CYP46A1: variants seen among roughly 807,000 people sequenced by gnomAD.
The protein encoded by CYP46A1 is cholesterol 24-hydroxylase.
In CYP46A1, 20 loss-of-function variants were observed where a neutral mutation model predicts 63.3. The observed-to-expected ratio is 0.32, with a 90% CI of 0.22 to 0.46. The LOEUF is 0.46. Ranked by LOEUF, CYP46A1 falls within the 20% of genes least tolerant of loss-of-function variation. CYP46A1 has a pLI of 1.00. For missense variants in CYP46A1, 445 were observed against 670.8 expected (o/e 0.66, Z 3.72); for synonymous variants, 268 against 273.6 (o/e 0.98, Z 0.20).
chr14:99,705,782 A>G (rs542115085), intron 5 of CYP46A1, among the ~76,000 whole-genome samples: 2 of 152,336 alleles, frequency 1.3e-5, no homozygotes, highest in South Asian at 2.1e-4. Flanking sequence ...AAAATTAGCC[A>G]GCCATGCTGG....
intron 7 of CYP46A1, chr14:99,709,763 C>G (rs2056712907): frequency 6.6e-6 from 1 of 152,156 alleles, no homozygotes; most frequent in Non-Finnish European, 1.5e-5. Flanking sequence ...CCAAAAAGGT[C>G]TGCCTTCTCC....
intron 5 of CYP46A1, 57 bp downstream of exon 5, chr14:99,700,158 C>A (rs529240332): frequency 7.0e-7 from 1 of 1,419,244 alleles, no homozygotes; most frequent in South Asian, 1.3e-5. Context: ...TAGGGGCTGC[C>A]GAAGTGTAGG....
chr14:99,723,598 C>T (rs1210595783), intron 12 of CYP46A1, among the ~76,000 whole-genome samples: 5 of 152,238 alleles, frequency 3.3e-5, no homozygotes, highest in East Asian at 1.9e-4. Flanking sequence ...CGTGAGCCAG[C>T]GCGCCCAGCC....
At chr14:99,714,187 G>T (rs1691565550) in intron 7 of CYP46A1, among the ~76,000 whole-genome samples, 1 of 152,206 alleles carries the variant, frequency 6.6e-6, no homozygotes, top group Non-Finnish European at 1.5e-5. Context: ...TCTTATCCCA[G>T]TTAGAATGGC....
intron 6 of CYP46A1, 82 bp from the exon 7 acceptor site, chr14:99,707,486 T>C: frequency 9.1e-7 from 1 of 1,100,122 alleles, no homozygotes. Context: ...TCCAGGTGTC[T>C]AGCAGAATGA....
chr14:99,705,789 C>CCGGGCGCGG (rs1263216690), intron 5 of CYP46A1, among the ~76,000 whole-genome samples: 1 of 152,150 alleles, frequency 6.6e-6, no homozygotes, highest in Non-Finnish European at 1.5e-5. Context: ...GCCAGCCATG[C>CCGGGCGCGG]TGGCACATGC....
At chr14:99,700,264 G>GGA (rs34779504) in intron 5 of CYP46A1, among the ~76,000 whole-genome samples, 163 bp downstream of exon 5, 50 of 151,130 alleles carry the variant, frequency 3.3e-4, no homozygotes, top group Middle Eastern at 6.8e-3. Flanking sequence ...TAGTCAAAAG[G>GGA]GAGAGAGAGA....
At position 99,721,940 on chromosome 14, in the gene CYP46A1, CT is replaced by C. The variant is rs1177616556; in HGVS notation, c.1066-14del. On this transcript the variant is annotated splice_polypyrimidine_tract_variant and intron_variant, in intron 11 of 14. Coordinates refer to ENST00000261835, the MANE Select transcript of CYP46A1 (RefSeq NM_006668.2). ...CTCCCGACTCTCCTTGTTATCTCCCCTTGTGGCTTCTCTAGGTCCTCAAAGA... is the reference window on the plus strand; with the variant it reads ...CTCCCGACTCTCCTTGTTATCTCCCCTGTGGCTTCTCTAGGTCCTCAAAGA... 6.2e-7 allele frequency: 1 copy of C among 1,604,746 alleles called. No individual in the cohort carries two copies. Among genetic ancestry groups the C allele is most frequent in the African/African-American group, 1.3e-5 (1 of 74,878 alleles).
intron 5 of CYP46A1, among the ~76,000 whole-genome samples, chr14:99,701,501 G>GGT (rs1405695830): frequency 1.3e-5 from 2 of 152,202 alleles, no homozygotes; most frequent in Non-Finnish European, 2.9e-5. Context: ...ATATGGCCTA[G>GGT]GTGTGTAGTA....
chr14:99,724,599 C>G (rs988423773), intron 12 of CYP46A1, among the ~76,000 whole-genome samples: 11 of 152,100 alleles, frequency 7.2e-5, no homozygotes, highest in African/African-American at 1.4e-4. Context: ...CTCCATCAGG[C>G]CTTCGGCTTC....
chr14:99,707,594 G>A lies in CYP46A1; in HGVS notation c.609G>A (p.Met203Ile), dbSNP rs2056689318. ...AKAAFGMETS[M>I]LLGAQKPLSQ... ...CAGCTTTTGGGATGGAGACCAGTAT[G>A]CTGCTGGGTGCCCAGAAGCCTCTGT... Residue 203 changes from methionine to isoleucine, a missense_variant, in exon 7 of 15, where the codon ATG becomes ATA. By Grantham distance (10) the Met-to-Ile change is conservative. Around this residue, in one of 4 missense-constraint regions of CYP46A1, gnomAD observed 252 missense variants for 383.3 expected, o/e 0.66. Coordinates refer to ENST00000261835, the MANE Select transcript of CYP46A1 (RefSeq NM_006668.2). The A allele has an allele frequency of 6.2e-7, 1 of 1,613,972 alleles. No individual in the cohort carries two copies. Among genetic ancestry groups the A allele is most frequent in the African/African-American group, 1.3e-5 (1 of 74,902 alleles).
chr14:99,689,024 C>T lies in CYP46A1; in HGVS notation c.120-2057C>T, dbSNP rs555023467. Among the ~76,000 whole-genome samples the T allele has an allele frequency of 9.6e-4, 147 of 152,332 alleles. 2 individuals carry two copies. In the South Asian group the frequency reaches 0.029, roughly 31 times the overall value. ...TATGCTCCCAACTTCTCAGTGATGG[C>T]TTAGTTCTTGGTCCTCTTCTCTGTC... On this transcript the variant is annotated intron_variant, in intron 1 of 14. Transcript: ENST00000261835.
chr14:99,687,623 G>C (rs2056505869), intron 1 of CYP46A1, among the ~76,000 whole-genome samples: 1 of 152,226 alleles, frequency 6.6e-6, no homozygotes, highest in Non-Finnish European at 1.5e-5. Context: ...ATCCCTCTGG[G>C]TGACTTCACT....
rs533436667 is a variant in CYP46A1 at position 99,725,093 on chromosome 14, G to T, written c.1177-298G>T. Among the ~76,000 whole-genome samples, 1 of 152,230 alleles carries T rather than the reference G, an allele frequency of 6.6e-6. No individual in the cohort carries two copies. Among genetic ancestry groups the T allele is most frequent in the Non-Finnish European group, 1.5e-5 (1 of 68,022 alleles). On this transcript the variant is annotated intron_variant, in intron 12 of 14. Transcript: ENST00000261835. The surrounding 1 kb of genome is among the most constrained non-coding windows in gnomAD (Gnocchi z 4.2). ...AGGTGAGTCACTGAGCCTCTCTCTG[G>T]GTCTCAGTTTCCTCATCTGTAAAAT...
intron 9 of CYP46A1, among the ~76,000 whole-genome samples, chr14:99,717,455 G>C (rs2056800804): frequency 6.6e-6 from 1 of 152,096 alleles, no homozygotes; most frequent in Admixed American, 6.5e-5. Flanking sequence ...CTGCTCCCAG[G>C]CTGAGGGCTC....
In CYP46A1 at chr14:99,722,938, G is replaced by C; in HGVS notation, c.1176+872G>C. 2.2e-6 allele frequency: 1 copy of C among 454,010 alleles called. No homozygotes were observed. Among genetic ancestry groups the C allele is most frequent in the Non-Finnish European group, 4.4e-6 (1 of 225,146 alleles). The allele number at this position is 454,010 out of a possible 1,614,324, so 28.1% of individuals were successfully genotyped here. A position where few individuals can be genotyped will look rare whatever the true frequency, so the allele number is the denominator to read the frequency against. The stretch of plus-strand genomic sequence containing the variant: ...CATTTACCCAGAAGTGAGAGGGCTG[G>C]GTTGTAGGACCCCTGACTGTTCAGC... On this transcript the variant is annotated intron_variant, in intron 12 of 14. Coordinates refer to ENST00000261835, the MANE Select transcript of CYP46A1 (RefSeq NM_006668.2). This position sits in a 1 kb window ranked among gnomAD's most constrained non-coding sequence, Gnocchi z 4.6.
intron 1 of CYP46A1, 29 bp downstream of exon 1, chr14:99,684,565 T>C: frequency 7.0e-7 from 1 of 1,425,156 alleles, no homozygotes. Context: ...GGGGCCTGGC[T>C]GGGGTGCTGG....
chr14:99,706,096 G>A (rs1486970291), intron 5 of CYP46A1: 1 of 152,760 alleles, frequency 6.5e-6, no homozygotes, highest in East Asian at 1.9e-4. Flanking sequence ...CTCTTTCTAA[G>A]CTCTGTGCCT....
intron 1 of CYP46A1, among the ~76,000 whole-genome samples, chr14:99,686,526 T>A (rs1018774407): frequency 6.6e-6 from 1 of 152,132 alleles, no homozygotes; most frequent in African/African-American, 2.4e-5. Context: ...CTCACAGCCC[T>A]GGCAACCATG....
Sources: gnomAD v4.1 joint callset for allele counts (sites outside exome capture counted in the v4.1 genomes callset) on GRCh38, gnomAD v4.1.1 for gene constraint, gnomAD v4.1.1 regional missense constraint, Gnocchi (gnomAD v3.1) non-coding constraint, MANE v1.5 for transcripts, NCBI Gene and HGNC (gene_info 2026-07-23, HGNC 2026-07-21) for gene names.